Variants in TRPM7 observed in about 807,000 individuals in gnomAD.
The protein encoded by TRPM7 is LTRPC ion channel family member 7.
In TRPM7, 134 loss-of-function variants were observed where a neutral mutation model predicts 229.7. That is an observed-to-expected ratio of 0.58 (90% CI 0.51 to 0.67). TRPM7 has a LOEUF of 0.67. TRPM7 is among the 30% of genes least tolerant of loss of function. The pLI, the probability that TRPM7 is intolerant of heterozygous loss-of-function variation, is 0.00. For missense variants in TRPM7, 1,901 were observed against 2,210.0 expected (o/e 0.86, Z 2.80); for synonymous variants, 699 against 715.2 (o/e 0.98, Z 0.36).
intron 2 of TRPM7, among the ~76,000 whole-genome samples, chr15:50,661,084 C>T (rs1347820893): frequency 5.3e-5 from 8 of 151,576 alleles, no homozygotes; most frequent in Admixed American, 4.6e-4. Context: ...TCAAGCAATT[C>T]TCCTGCCTTA....
At chr15:50,670,446 C>T (rs2061963550) in intron 1 of TRPM7, among the ~76,000 whole-genome samples, 1 of 152,092 alleles carries the variant, frequency 6.6e-6, no homozygotes. Flanking sequence ...CAAAACCCAC[C>T]AAAACCAAGA....
chr15:50,580,071 GC>G (rs1215959413), intron 30 of TRPM7, among the ~76,000 whole-genome samples: 2 of 152,136 alleles, frequency 1.3e-5, no homozygotes, highest in African/African-American at 4.8e-5. Flanking sequence ...ACCATGCCTG[GC>G]CCAGATTTAT....
intron 38 of TRPM7, among the ~76,000 whole-genome samples, chr15:50,566,224 G>A (rs2053591702): frequency 1.3e-5 from 2 of 152,004 alleles, no homozygotes; most frequent in South Asian, 4.1e-4. Context: ...AAAGACATTT[G>A]TAAAATTTTA....
chr15:50,578,835 TATAG>T (rs376289685), intron 30 of TRPM7, among the ~76,000 whole-genome samples, 171 bp from the exon 31 acceptor site: 83 of 150,736 alleles, frequency 5.5e-4, no homozygotes, highest in Admixed American at 1.2e-3. Context: ...CCAATCCATA[TATAG>T]ATATATATAT....
At chr15:50,622,426 C>T (rs889171181) in intron 12 of TRPM7, among the ~76,000 whole-genome samples, 2 of 152,172 alleles carry the variant, frequency 1.3e-5, no homozygotes, top group Non-Finnish European at 2.9e-5. Context: ...AATTACTTGT[C>T]TTGCTAATGG....
intron 4 of TRPM7, among the ~76,000 whole-genome samples, chr15:50,646,969 G>C (rs1464357462): frequency 6.6e-6 from 1 of 152,138 alleles, no homozygotes; most frequent in Non-Finnish European, 1.5e-5. Context: ...ATATAGCCTA[G>C]GCATATAGTA....
chr15:50,642,601 T>C (rs920736517), intron 5 of TRPM7, among the ~76,000 whole-genome samples: 3 of 152,220 alleles, frequency 2.0e-5, no homozygotes, highest in Non-Finnish European at 4.4e-5. Context: ...CCTGCCACTT[T>C]GTGTAAGAAG....
intron 21 of TRPM7, among the ~76,000 whole-genome samples, chr15:50,600,550 A>G (rs1308205830): frequency 6.6e-6 from 1 of 152,226 alleles, no homozygotes; most frequent in Admixed American, 6.5e-5. Context: ...AGCCTCATGC[A>G]AAAGAGAATA....
chr15:50,639,617 A>G, intron 5 of TRPM7, 69 bp from the exon 6 acceptor site: 1 of 1,452,644 alleles, frequency 6.9e-7, no homozygotes. Context: ...CCCAGGAAAG[A>G]GAGCAGTGGC....
chr15:50,647,979 TA>T (rs1251915697), intron 4 of TRPM7, among the ~76,000 whole-genome samples: 1 of 152,246 alleles, frequency 6.6e-6, no homozygotes, highest in Non-Finnish European at 1.5e-5. Flanking sequence ...AGAGTCTCAC[TA>T]TTTTGCCCAG....
rs2059710524 is a variant in TRPM7 at position 50,599,162 on chromosome 15, G to A, written c.3123C>T (p.Tyr1041=). The change falls in exon 22 of 39, where the codon TAC becomes TAT. Residue 1041 remains tyrosine, a synonymous_variant. Transcript: ENST00000646667. ...TLAKDIVFHP[Y]WMIFGEVYAY... ...CATAAACTTCACCAAAAATCATCCAGTATGGGTGAAAAACTATATCTTTAG... is the reference window on the plus strand; with the variant it reads ...CATAAACTTCACCAAAAATCATCCAATATGGGTGAAAAACTATATCTTTAG... The A allele has an allele frequency of 6.2e-7, 1 of 1,612,162 alleles. No individual in the cohort carries two copies. Among genetic ancestry groups the A allele is most frequent in the African/African-American group, 1.3e-5 (1 of 74,836 alleles).
intron 31 of TRPM7, among the ~76,000 whole-genome samples, chr15:50,577,240 A>T (rs2054178381): frequency 6.6e-6 from 1 of 152,134 alleles, no homozygotes; most frequent in African/African-American, 2.4e-5. Flanking sequence ...AAAAATGTAA[A>T]GTGGAGGAGT....
intron 10 of TRPM7, among the ~76,000 whole-genome samples, chr15:50,628,856 C>T (rs2060643597): frequency 6.6e-6 from 1 of 152,220 alleles, no homozygotes; most frequent in Non-Finnish European, 1.5e-5. Flanking sequence ...GCCTGCCAGG[C>T]ACCTTTCTGT....
chr15:50,582,780 T>C (rs2054483669), intron 29 of TRPM7, among the ~76,000 whole-genome samples: 1 of 152,182 alleles, frequency 6.6e-6, no homozygotes, highest in South Asian at 2.1e-4. Flanking sequence ...GTCTTGTCAG[T>C]GTGTGCTTTT....
intron 19 of TRPM7, among the ~76,000 whole-genome samples, chr15:50,609,313 T>A (rs1228082850): frequency 6.6e-6 from 1 of 152,186 alleles, no homozygotes; most frequent in Non-Finnish European, 1.5e-5. Context: ...TACTAGTTGA[T>A]TAGTATTTGC....
chr15:50,588,666 T>C (rs2059404676), intron 27 of TRPM7, among the ~76,000 whole-genome samples: 1 of 152,228 alleles, frequency 6.6e-6, no homozygotes, highest in Non-Finnish European at 1.5e-5. Flanking sequence ...ATGTAAGTTC[T>C]TTAAGGGCTA....
intron 5 of TRPM7, among the ~76,000 whole-genome samples, chr15:50,640,314 C>A (rs2061056322): frequency 6.6e-6 from 1 of 152,022 alleles, no homozygotes; most frequent in South Asian, 2.1e-4. Flanking sequence ...CTCTATTGCC[C>A]AGGCTGGAGT....
intron 1 of TRPM7, among the ~76,000 whole-genome samples, chr15:50,684,601 A>G (rs1253432740): frequency 6.6e-6 from 1 of 152,056 alleles, no homozygotes; most frequent in Non-Finnish European, 1.5e-5. Flanking sequence ...AGATCGCTAC[A>G]CTGCACTCAG....
chr15:50,618,308 C>T (rs7175481), intron 13 of TRPM7, among the ~76,000 whole-genome samples: 4,562 of 152,072 alleles, frequency 0.03, 250 homozygotes, highest in African/African-American at 0.1. Context: ...AAAATGCTCA[C>T]GCCTGTAATC....
Sources: gnomAD v4.1 joint callset for allele counts (sites outside exome capture counted in the v4.1 genomes callset) on GRCh38, gnomAD v4.1.1 for gene constraint, MANE v1.5 for transcripts, NCBI Gene and HGNC (gene_info 2026-07-23, HGNC 2026-07-21) for gene names.